The following DYNC1LI1 variants were observed in gnomAD, a reference collection of about 807,000 sequenced individuals.
DYNC1LI1 encodes dynein cytoplasmic 1 light intermediate chain 1.
Under a neutral mutation model 63.8 loss-of-function variants are expected in DYNC1LI1, and 19 were observed. The observed-to-expected ratio is 0.30, with a 90% confidence interval of 0.21 to 0.44. The LOEUF (loss-of-function observed/expected upper bound fraction) is 0.44, where lower values mean the gene tolerates loss of function less well. DYNC1LI1 is among the 20% of genes least tolerant of loss of function. The pLI is 1.00. For synonymous variants in DYNC1LI1, 225 were observed against 232.3 expected (o/e 0.97, Z 0.28); for missense variants, 565 against 630.2 (o/e 0.90, Z 1.11).
intron 2 of DYNC1LI1, among the ~76,000 whole-genome samples, chr3:32,564,000 G>A (rs185217943): frequency 3.9e-5 from 6 of 152,248 alleles, no homozygotes; most frequent in South Asian, 2.1e-4. Context: ...TAAAACTGAC[G>A]CCAATAATCC....
chr3:32,559,326 G>A (rs61074138), intron 2 of DYNC1LI1, among the ~76,000 whole-genome samples: 2,956 of 152,108 alleles, frequency 0.019, 41 homozygotes, highest in South Asian at 0.041. Flanking sequence ...CTGCAGCCTC[G>A]ATCTCCTAGG....
intron 2 of DYNC1LI1, 124 bp downstream of exon 2, chr3:32,570,222 G>C (rs1559447152): frequency 3.6e-6 from 3 of 825,220 alleles, no homozygotes; most frequent in East Asian, 2.7e-5. Flanking sequence ...GACAGGTCGG[G>C]AGGCGAGGCG....
rs138783448 is a variant in DYNC1LI1, at chr3:32,541,088, C to T, written c.687G>A (p.Ala229=). The part of the protein sequence containing the change: ...KDDSVVLPLG[A]DTLTHNLGIP... Reference sequence around the variant, plus strand: ...TGCCCAAGTTATGTGTAAGTGTATCCGCACCCAGAGGTAAAACTACACTGT... The same window carrying T: ...TGCCCAAGTTATGTGTAAGTGTATCTGCACCCAGAGGTAAAACTACACTGT... Residue 229 remains alanine, a synonymous_variant, in exon 5 of 13, where the codon GCG becomes GCA. Coordinates refer to ENST00000273130, the MANE Select transcript of DYNC1LI1 (RefSeq NM_016141.4). The T allele has an allele frequency of 4.5e-5, 73 of 1,613,596 alleles. No individual in the cohort carries two copies. The African/African-American group carries it at 6.4e-4, about 14-fold the overall frequency.
chr3:32,567,286 G>C (rs1453123737), intron 2 of DYNC1LI1, among the ~76,000 whole-genome samples: 1 of 152,170 alleles, frequency 6.6e-6, no homozygotes, highest in Non-Finnish European at 1.5e-5. Context: ...TCAGGGAGGA[G>C]AGAGGAGGTG....
intron 2 of DYNC1LI1, among the ~76,000 whole-genome samples, chr3:32,562,679 C>A (rs948654538): frequency 6.6e-6 from 1 of 152,170 alleles, no homozygotes; most frequent in African/African-American, 2.4e-5. Flanking sequence ...AAGAAACATG[C>A]ATTACTTTCA....
chr3:32,538,469 G>A (rs916041056), intron 5 of DYNC1LI1, among the ~76,000 whole-genome samples: 4 of 152,024 alleles, frequency 2.6e-5, no homozygotes, highest in African/African-American at 9.7e-5. Flanking sequence ...GGGAGGTCGA[G>A]GTGGGCAGAT....
intron 2 of DYNC1LI1, among the ~76,000 whole-genome samples, chr3:32,568,498 A>T (rs1025803313): frequency 6.6e-6 from 1 of 152,180 alleles, no homozygotes; most frequent in Admixed American, 6.5e-5. Context: ...GCACTTTATG[A>T]ACTATTAAGT....
At position 32,533,526 on chromosome 3, in the gene DYNC1LI1, AG is replaced by A. The variant is rs572603740; in HGVS notation, c.969-430del. ...ATGTCATTAGTGTTAACTTGGGGGA[AG>A]GGGGCAGTAATTATTACCTCCCAAT... On this transcript the variant is annotated intron_variant, in intron 7 of 12. Transcript: ENST00000273130. Among the ~76,000 whole-genome samples the A allele has an allele frequency of 2.3e-3, 354 of 151,948 alleles. 1 individual carries two copies. Among genetic ancestry groups the A allele is most frequent in the Non-Finnish European group, 3.6e-3 (242 of 67,942 alleles).
At chr3:32,539,542 T>C (rs1425967680) in intron 5 of DYNC1LI1, among the ~76,000 whole-genome samples, 2 of 151,902 alleles carry the variant, frequency 1.3e-5, no homozygotes, top group African/African-American at 2.4e-5. Flanking sequence ...ATTATTATTA[T>C]TATTATTATT....
At chr3:32,561,853 C>T (rs1378003499) in intron 2 of DYNC1LI1, among the ~76,000 whole-genome samples, 1 of 149,060 alleles carries the variant, frequency 6.7e-6, no homozygotes, top group African/African-American at 2.5e-5. Flanking sequence ...TATCTATTAA[C>T]ATGAAAAAAA....
intron 2 of DYNC1LI1, among the ~76,000 whole-genome samples, chr3:32,559,011 A>G (rs530854245): frequency 4.4e-4 from 67 of 151,896 alleles, no homozygotes; most frequent in Non-Finnish European, 8.2e-4. Flanking sequence ...GACCATCTCT[A>G]TAGTGATGGA....
intron 4 of DYNC1LI1, among the ~76,000 whole-genome samples, chr3:32,542,743 T>A (rs1697899432): frequency 6.6e-6 from 1 of 152,374 alleles, no homozygotes; most frequent in African/African-American, 2.4e-5. Flanking sequence ...TGTACATTAT[T>A]ACTTACTTAG....
At chr3:32,557,461 G>A (rs1392781934) in intron 2 of DYNC1LI1, among the ~76,000 whole-genome samples, 1 of 152,048 alleles carries the variant, frequency 6.6e-6, no homozygotes, top group Non-Finnish European at 1.5e-5. Flanking sequence ...GGCGGAGGCT[G>A]CAGTGAGTCG....
chr3:32,569,898 G>A (rs1353481648), intron 2 of DYNC1LI1, among the ~76,000 whole-genome samples: 2 of 152,230 alleles, frequency 1.3e-5, no homozygotes, highest in Non-Finnish European at 2.9e-5. Flanking sequence ...TTTATCGCCA[G>A]GTCTTAGTTC....
At chr3:32,531,589 ATT>A (rs1477882848) in intron 8 of DYNC1LI1, 3 of 152,140 alleles carry the variant, frequency 2.0e-5, no homozygotes, top group African/African-American at 7.2e-5. Context: ...AATGTGAAAT[ATT>A]TTTGCTATTT....
chr3:32,552,863 G>A (rs761129410), intron 2 of DYNC1LI1, among the ~76,000 whole-genome samples: 12 of 152,000 alleles, frequency 7.9e-5, no homozygotes, highest in East Asian at 1.9e-4. Flanking sequence ...ACGCCACCAC[G>A]CCCAGCTAAT....
In DYNC1LI1 at chr3:32,544,788, CT is replaced by C. The variant is rs201284867; in HGVS notation, c.568+87del. 3.5e-3 allele frequency: 3,295 copies of C among 949,752 alleles called. 78 individuals are homozygous for C. The African/African-American group carries it at 0.05, about 14-fold the overall frequency. The allele number at this position is 949,752 out of a possible 1,614,324, so 58.8% of individuals were successfully genotyped here. A position where few individuals can be genotyped will look rare whatever the true frequency, so the allele number is the denominator to read the frequency against. ...TTACAATATGCTTACTTCATTAAAC[CT>C]TTTTTATAGTCAAAAATTCCTAATG... is the stretch of plus-strand genomic sequence containing the variant. On this transcript the variant is annotated intron_variant, in intron 4 of 12. Transcript: ENST00000273130.
rs867025700 is a variant in DYNC1LI1 at position 32,570,414 on chromosome 3, C to T, written c.152G>A (p.Cys51Tyr). Reference protein sequence around the residue: ...DDEDGQNLWSCILSEVSTRSR... With the variant: ...DDEDGQNLWSYILSEVSTRSR... ...GCGGGTGGAGACCTCGCTGAGGATG[C>T]AGGACCTAACGGGAAGCAAGGCGTA... is the stretch of plus-strand genomic sequence containing the variant. The change falls in exon 2 of 13, where the codon TGC (cysteine) becomes TAC (tyrosine). Residue 51 changes from cysteine (C) to tyrosine (Y), a missense_variant. Physicochemically the swap from Cys to Tyr is radical, Grantham distance 194. Transcript: ENST00000273130. The T allele has an allele frequency of 1.2e-6, 2 of 1,600,720 alleles. No individual in the cohort carries two copies. The highest frequency in any genetic ancestry group is 1.1e-5 in the South Asian group (1 of 88,962).
At chr3:32,544,509 C>A (rs1204755861) in intron 4 of DYNC1LI1, among the ~76,000 whole-genome samples, 1 of 152,170 alleles carries the variant, frequency 6.6e-6, no homozygotes, top group African/African-American at 2.4e-5. Flanking sequence ...GTGGCTCACG[C>A]CTGTAATCCC....
Sources: allele counts gnomAD v4.1 joint callset (sites outside exome capture counted in the v4.1 genomes callset), GRCh38; gene constraint gnomAD v4.1.1; transcripts MANE v1.5; gene names NCBI Gene and HGNC (gene_info 2026-07-23, HGNC 2026-07-21).